The following SPTAN1 variants were observed in gnomAD, a reference collection of about 807,000 sequenced individuals.
SPTAN1 encodes the protein spectrin alpha, non-erythrocytic 1, also known as spectrin alpha chain, non-erythrocytic 1.
A neutral mutation model predicts 331.3 loss-of-function variants in SPTAN1; 61 were observed. That is an observed-to-expected ratio of 0.18 (90% CI 0.15 to 0.23). The LOEUF is 0.23. Ranked by LOEUF, SPTAN1 falls within the 10% of genes least tolerant of loss-of-function variation. The probability of loss-of-function intolerance (pLI) is 1.00; values close to 1 mark genes in which losing one functional copy is unlikely to be tolerated. For missense variants in SPTAN1, 2,043 were observed against 3,147.9 expected (o/e 0.65, Z 8.40); for synonymous variants, 1,153 against 1,173.9 (o/e 0.98, Z 0.36).
chr9:128,596,850 CCATT>C (rs1854367725), intron 24 of SPTAN1, among the ~76,000 whole-genome samples: 1 of 152,030 alleles, frequency 6.6e-6, no homozygotes, highest in African/African-American at 2.4e-5. Flanking sequence ...GCTACCACAT[CCATT>C]ATTATAATTG....
At chr9:128,609,010 G>A (rs1856261874) in intron 35 of SPTAN1, 33 bp downstream of exon 35, 1 of 1,613,656 alleles carries the variant, frequency 6.2e-7, no homozygotes, top group South Asian at 1.1e-5. Flanking sequence ...ATAGTCACCA[G>A]CCCTGAGAGG....
intron 31 of SPTAN1, among the ~76,000 whole-genome samples, chr9:128,605,803 C>G (rs1855760567): frequency 6.6e-6 from 1 of 152,092 alleles, no homozygotes; most frequent in Non-Finnish European, 1.5e-5. Context: ...ACCAGCCTGG[C>G]CAACATGGCG....
At chr9:128,632,763 C>T (rs1859986358) in intron 55 of SPTAN1, 45 bp downstream of exon 55, 2 of 1,613,918 alleles carry the variant, frequency 1.2e-6, no homozygotes, top group South Asian at 2.2e-5. Flanking sequence ...GCCCGGGGCA[C>T]CCACCTGCCC....
At chr9:128,597,795 C>T (rs1013444913) in intron 24 of SPTAN1, among the ~76,000 whole-genome samples, 11 of 152,198 alleles carry the variant, frequency 7.2e-5, no homozygotes, top group South Asian at 4.1e-4. Flanking sequence ...GGATTACAGG[C>T]GCCTGCCACC....
intron 48 of SPTAN1, 100 bp from the exon 49 acceptor site, chr9:128,626,291 C>A: frequency 7.1e-7 from 1 of 1,411,012 alleles, no homozygotes; most frequent in Non-Finnish European, 9.9e-7. Context: ...AGGCTGTGTG[C>A]GCCTCTGATT....
rs1224386062 is a variant in SPTAN1, at chr9:128,577,472, G to T, written c.1051G>T (p.Ala351Ser). The change falls in exon 8 of 57, where the codon GCA becomes TCA. Residue 351 changes from alanine to serine, a missense_variant. Physicochemically the swap from Ala to Ser is moderately conservative, Grantham distance 99. This residue lies in a region of SPTAN1 where 1,038 missense variants were observed against 1,531.5 expected (regional missense o/e 0.68). Transcript: ENST00000372739. The surrounding 1 kb of genome is among the most constrained non-coding windows in gnomAD (Gnocchi z 4.2). ...TNWEQIRTLA[A>S]ERHARLNDSY... ...CTGGGAGCAGATCCGCACCTTGGCG[G>T]CAGAGAGACATGCACGGCTCAATGA... 1 of 1,614,142 alleles carries T rather than the reference G, an allele frequency of 6.2e-7. No individual in the cohort carries two copies. The highest frequency in any genetic ancestry group is 8.5e-7 in the Non-Finnish European group (1 of 1,180,042).
At chr9:128,605,256 C>T (rs1276572685) in intron 30 of SPTAN1, 40 bp from the exon 31 acceptor site, 14 of 1,613,926 alleles carry the variant, frequency 8.7e-6, no homozygotes, top group Non-Finnish European at 1.2e-5. Context: ...GCAGAGCATA[C>T]CCCCTTACTG....
intron 31 of SPTAN1, among the ~76,000 whole-genome samples, chr9:128,607,237 C>T (rs563056775): frequency 1.3e-5 from 2 of 151,992 alleles, no homozygotes; most frequent in East Asian, 3.9e-4. Flanking sequence ...TTCCTGAGCT[C>T]AAGCGATCCT....
chr9:128,586,050 C>G (rs144062523), intron 19 of SPTAN1, 85 bp downstream of exon 19: 3 of 1,115,882 alleles, frequency 2.7e-6, no homozygotes, highest in Non-Finnish European at 4.0e-6. Context: ...AGTAGTGATG[C>G]GCGGGAGGTG....
At position 128,633,276 on chromosome 9, in the gene SPTAN1, G is replaced by A. The variant is rs751323903; in HGVS notation, c.7376G>A (p.Arg2459His). Reference sequence around the variant, plus strand: ...AAGCCCTACGTGGACGGCAAGGGCCGCGAGCTCCCCACCGCGTTCGACTAC... The same window carrying A: ...AAGCCCTACGTGGACGGCAAGGGCCACGAGCTCCCCACCGCGTTCGACTAC... ...HMKPYVDGKG[R>H]ELPTAFDYVE... Residue 2459 changes from arginine to histidine, a missense_variant, in exon 57 of 57, where the codon CGC becomes CAC. By Grantham distance (29) the Arg-to-His change is conservative. Transcript: ENST00000372739. 1.6e-5 allele frequency: 26 copies of A among 1,613,870 alleles called. No individual in the cohort carries two copies. The highest frequency in any genetic ancestry group is 5.0e-5 in the Admixed American group (3 of 59,990).
rs768972771 is a variant in SPTAN1, at chr9:128,603,603, G to A, written c.3627+13G>A. ...TAATTCCATCAAGGTAAGAAGCAGT[G>A]ACCAGCTCCTCTGATCTCCCCTGGT... On this transcript the variant is annotated intron_variant, in intron 28 of 56. Transcript: ENST00000372739. 1.9e-6 allele frequency: 3 copies of A among 1,614,138 alleles called. No individual in the cohort carries two copies. Among genetic ancestry groups the A allele is most frequent in the Non-Finnish European group, 2.5e-6 (3 of 1,179,994 alleles).
intron 1 of SPTAN1, among the ~76,000 whole-genome samples, chr9:128,557,117 T>G (rs1324806142): frequency 6.6e-6 from 1 of 152,232 alleles, no homozygotes; most frequent in Admixed American, 6.5e-5. Context: ...TGGGTGATGT[T>G]TATGAATTTT....
Position 128,583,236 on chromosome 9 carries a change from G to T in SPTAN1, c.1966G>T (p.Val656Leu). Residue 656 changes from valine to leucine, a missense_variant, in exon 15 of 57, where the codon GTG (valine) becomes TTG (leucine). Transcript: ENST00000372739. Reference protein sequence around the residue: ...KDEVAARMNEVISLWKKLLEA... With the variant: ...KDEVAARMNELISLWKKLLEA... ...TGAAGTGGCAGCTCGTATGAATGAG[G>T]TGATCAGTTTGTGGAAGAAACTGCT... 1 of 1,613,976 alleles carries T rather than the reference G, an allele frequency of 6.2e-7. No individual in the cohort carries two copies. The highest frequency in any genetic ancestry group is 1.1e-5 in the South Asian group (1 of 91,072).
At position 128,625,975 on chromosome 9, in the gene SPTAN1, C is replaced by T. The variant is rs1350523315; in HGVS notation, c.6276C>T (p.Arg2092=). ...KKLLEAQSHF[R]KVEDLFLTFA... ...TTCTGGAGGCTCAGAGTCACTTCCG[C>T]AAGGTGAGGATGGGGCCACGTGAAG... Residue 2092 remains arginine (R), a synonymous_variant, in exon 48 of 57, where the codon CGC becomes CGT. Transcript: ENST00000372739. The surrounding 1 kb of genome is among the most constrained non-coding windows in gnomAD (Gnocchi z 4.1). 6.2e-7 allele frequency: 1 copy of T among 1,614,010 alleles called. No individual in the cohort carries two copies.
chr9:128,586,233 C>T (rs1244057830), intron 19 of SPTAN1, among the ~76,000 whole-genome samples: 1 of 149,284 alleles, frequency 6.7e-6, no homozygotes, highest in African/African-American at 2.5e-5. Context: ...ATCCTCCTGC[C>T]TCAGCCTCCC....
chr9:128,599,201 C>G, intron 26 of SPTAN1: 1 of 576,302 alleles, frequency 1.7e-6, no homozygotes, highest in South Asian at 1.8e-5. Flanking sequence ...GTGGTGTGAT[C>G]TTGGCTCACT....
chr9:128,623,962 A>G (rs1448205164), intron 45 of SPTAN1, among the ~76,000 whole-genome samples: 1 of 150,750 alleles, frequency 6.6e-6, no homozygotes, highest in Non-Finnish European at 1.5e-5. Context: ...TTCGCCTATT[A>G]GTCCCAGCTA....
At chr9:128,568,711 G>A (rs1589154866) in intron 2 of SPTAN1, 61 bp from the exon 3 acceptor site, 18 of 1,608,658 alleles carry the variant, frequency 1.1e-5, no homozygotes, top group South Asian at 3.3e-5. Flanking sequence ...GGGGAACAGC[G>A]GGGACAAAAT....
At position 128,607,990 on chromosome 9, in the gene SPTAN1, G is replaced by T; in HGVS notation, c.4285G>T (p.Asp1429Tyr). The T allele has an allele frequency of 1.9e-6, 3 of 1,614,176 alleles. No homozygotes were observed. The highest frequency in any genetic ancestry group is 2.5e-6 in the Non-Finnish European group (3 of 1,180,036). The stretch of plus-strand genomic sequence containing the variant: ...TGATATTCTTGACCAGGAGCGTGCA[G>T]ACCTGGAGAAGGCCTGGGTTCAGCG... ...KLDILDQERADLEKAWVQRRM... is the reference protein window; with the variant it reads ...KLDILDQERAYLEKAWVQRRM... Residue 1429 changes from aspartate to tyrosine, a missense_variant, in exon 33 of 57, where the codon GAC becomes TAC. Asp to Tyr is a radical substitution (Grantham distance 160, BLOSUM62 -3). Around this residue, in one of 12 missense-constraint regions of SPTAN1, gnomAD observed 179 missense variants for 215.7 expected, o/e 0.83. Coordinates refer to ENST00000372739, the MANE Select transcript of SPTAN1 (RefSeq NM_001130438.3).
Sources: allele counts gnomAD v4.1 joint callset (sites outside exome capture counted in the v4.1 genomes callset), GRCh38; gene constraint gnomAD v4.1.1; regional missense constraint gnomAD v4.1.1; non-coding constraint Gnocchi (gnomAD v3.1); transcripts MANE v1.5; gene names NCBI Gene and HGNC (gene_info 2026-07-23, HGNC 2026-07-21).